LHFPL3: variants seen among roughly 807,000 people sequenced by gnomAD.
LHFPL3 encodes LHFPL tetraspan subfamily member 3 protein.
LHFPL3 carries 5 observed loss-of-function variants against 19.3 expected under a neutral mutation model. That is an observed-to-expected ratio of 0.26 (90% CI 0.14 to 0.54). LHFPL3 has a LOEUF of 0.54. Among genes scored for constraint, LHFPL3 ranks in the 20% least tolerant of loss-of-function variants. LHFPL3 has a pLI of 0.94. For synonymous variants in LHFPL3, 133 were observed against 126.2 expected (o/e 1.05, Z -0.36); for missense variants, 249 against 307.4 (o/e 0.81, Z 1.42).
At chr7:104,608,412 C>T (rs924410515) in intron 1 of LHFPL3, among the ~76,000 whole-genome samples, 188 of 148,332 alleles carry the variant, frequency 1.3e-3, no homozygotes, top group Non-Finnish European at 2.0e-3. Context: ...AACCAAACAC[C>T]GCATGTTCTC....
chr7:104,865,720 G>C lies in LHFPL3; in HGVS notation c.683-40467G>C, dbSNP rs190317280. Among the ~76,000 whole-genome samples the C allele has an allele frequency of 2.9e-4, 44 of 152,182 alleles. No homozygotes were observed. The East Asian group carries it at 7.4e-3, about 25-fold the overall frequency. ...CCAACATTAAAATTCAGGAAATACA[G>C]AGAATGCCACAAAGATACTCCTCGA... On this transcript the variant is annotated intron_variant, in intron 2 of 2. Coordinates refer to ENST00000424859, the MANE Select transcript of LHFPL3 (RefSeq NM_199000.3).
At chr7:104,472,980 C>A (rs906545402) in intron 1 of LHFPL3, among the ~76,000 whole-genome samples, 1 of 151,984 alleles carries the variant, frequency 6.6e-6, no homozygotes, top group African/African-American at 2.4e-5. Context: ...TCTGGGAGAC[C>A]AATAACAAAT....
chr7:104,452,820 A>G (rs1792466402), intron 1 of LHFPL3, among the ~76,000 whole-genome samples: 1 of 152,206 alleles, frequency 6.6e-6, no homozygotes, highest in Non-Finnish European at 1.5e-5. Context: ...TGCTTACTGC[A>G]TGCTATGAAA....
chr7:104,751,266 A>G (rs79215014), intron 2 of LHFPL3, among the ~76,000 whole-genome samples: 61,309 of 126,068 alleles, frequency 0.49, 14,883 homozygotes, highest in East Asian at 0.82. Flanking sequence ...GTGACCTTAC[A>G]GGCTTTTTCA....
intron 1 of LHFPL3, among the ~76,000 whole-genome samples, chr7:104,528,829 C>T (rs1236177069): frequency 1.3e-5 from 2 of 152,114 alleles, no homozygotes; most frequent in African/African-American, 2.4e-5. Context: ...CACCTTAGCT[C>T]GACATTGAAG....
At chr7:104,784,151 A>T (rs1156673859) in intron 2 of LHFPL3, among the ~76,000 whole-genome samples, 1 of 152,220 alleles carries the variant, frequency 6.6e-6, no homozygotes, top group African/African-American at 2.4e-5. Flanking sequence ...TAGTATAATC[A>T]CTGACTCTCA....
intron 1 of LHFPL3, among the ~76,000 whole-genome samples, chr7:104,550,706 A>G (rs73715114): frequency 0.22 from 33,839 of 152,100 alleles, 4,087 homozygotes; most frequent in Middle Eastern, 0.31. Context: ...CTTCCCAAAC[A>G]GCATAAGATT....
At chr7:104,468,278 C>A (rs866911217) in intron 1 of LHFPL3, among the ~76,000 whole-genome samples, 1 of 152,142 alleles carries the variant, frequency 6.6e-6, no homozygotes, top group African/African-American at 2.4e-5. Context: ...AACCAAAACT[C>A]GTATGAGGGT....
chr7:104,505,446 A>G (rs1343635454), intron 1 of LHFPL3, among the ~76,000 whole-genome samples: 1 of 152,230 alleles, frequency 6.6e-6, no homozygotes, highest in East Asian at 1.9e-4. Context: ...ATGAGAATGA[A>G]GAGGATAAAA....
intron 1 of LHFPL3, among the ~76,000 whole-genome samples, chr7:104,587,292 C>T (rs1790600373): frequency 1.3e-5 from 2 of 152,108 alleles, no homozygotes; most frequent in African/African-American, 2.4e-5. Flanking sequence ...ACAATAGGCC[C>T]CAGTGTGTGA....
chr7:104,408,251 C>T (rs1393156481), intron 1 of LHFPL3, among the ~76,000 whole-genome samples: 2 of 152,126 alleles, frequency 1.3e-5, no homozygotes, highest in African/African-American at 2.4e-5. Context: ...AAGGGCTGTT[C>T]ATTTGAAATA....
At chr7:104,758,005 T>C (rs577508549) in intron 2 of LHFPL3, among the ~76,000 whole-genome samples, 28 of 152,316 alleles carry the variant, frequency 1.8e-4, no homozygotes, top group African/African-American at 6.7e-4. Context: ...ATATACACCA[T>C]GGAATACTAC....
chr7:104,731,955 G>T (rs1343688047), intron 1 of LHFPL3, among the ~76,000 whole-genome samples: 1 of 152,138 alleles, frequency 6.6e-6, no homozygotes, highest in Non-Finnish European at 1.5e-5. Flanking sequence ...TTTTGTCAAA[G>T]GCCTTTTCTG....
At chr7:104,813,207 G>T (rs1272692575) in intron 2 of LHFPL3, among the ~76,000 whole-genome samples, 1 of 151,754 alleles carries the variant, frequency 6.6e-6, no homozygotes, top group Non-Finnish European at 1.5e-5. Flanking sequence ...GAGCCCAGAA[G>T]GTCAAGGCTG....
In LHFPL3 at chr7:104,560,698, T is replaced by C. The variant is rs539174333; in HGVS notation, c.446-175977T>C. Among the ~76,000 whole-genome samples, 254 of 149,324 alleles carry C rather than the reference T, an allele frequency of 1.7e-3. 1 individual carries two copies. Among genetic ancestry groups the C allele is most frequent in the African/African-American group, 6.0e-3 (239 of 39,820 alleles). On this transcript the variant is annotated intron_variant, in intron 1 of 2. Coordinates refer to ENST00000424859, the MANE Select transcript of LHFPL3 (RefSeq NM_199000.3). ...CTATTTCCTTCAGTTCTGCTCTGATTTTAGTTATTTCTTGCCTTCTGCTAG... is the reference window on the plus strand; with the variant it reads ...CTATTTCCTTCAGTTCTGCTCTGATCTTAGTTATTTCTTGCCTTCTGCTAG...
At chr7:104,897,053 T>G (rs1260000977) in intron 2 of LHFPL3, among the ~76,000 whole-genome samples, 3 of 150,900 alleles carry the variant, frequency 2.0e-5, no homozygotes, top group Non-Finnish European at 4.4e-5. Context: ...ACCACTGCAC[T>G]CCAGCCCAGG....
Position 104,708,091 on chromosome 7 carries a change from C to T in LHFPL3, c.446-28584C>T, listed in dbSNP as rs75582009. Among the ~76,000 whole-genome samples, 555 of 152,284 alleles carry T rather than the reference C, an allele frequency of 3.6e-3. 3 individuals are homozygous for T. Among genetic ancestry groups the T allele is most frequent in the African/African-American group, 0.013 (529 of 41,570 alleles). The stretch of plus-strand genomic sequence containing the variant: ...TTTTCCCCTTGCTTTCAAAGGCCAG[C>T]TTGTAGGGCTGGTGGAAACAACCAA... On this transcript the variant is annotated intron_variant, in intron 1 of 2. Transcript: ENST00000424859.
At chr7:104,387,780 A>C (rs73179917) in intron 1 of LHFPL3, among the ~76,000 whole-genome samples, 11,034 of 152,284 alleles carry the variant, frequency 0.072, 446 homozygotes, top group East Asian at 0.17. Flanking sequence ...CAAACTATTG[A>C]AAGACAAAGA....
intron 1 of LHFPL3, among the ~76,000 whole-genome samples, chr7:104,501,825 C>A (rs1268537346): frequency 6.6e-6 from 1 of 152,158 alleles, no homozygotes; most frequent in African/African-American, 2.4e-5. Flanking sequence ...TATTCTGCAG[C>A]TATGTTTAGA....
Sources: gnomAD v4.1 joint callset for allele counts (sites outside exome capture counted in the v4.1 genomes callset) on GRCh38, gnomAD v4.1.1 for gene constraint, MANE v1.5 for transcripts, NCBI Gene and HGNC (gene_info 2026-07-23, HGNC 2026-07-21) for gene names.